Variants in PCDH15 observed in about 807,000 individuals in gnomAD.
The protein encoded by PCDH15 is protocadherin related 15, also known as protocadherin-15.
PCDH15 carries 129 observed loss-of-function variants against 178.5 expected under a neutral mutation model. The observed-to-expected ratio is 0.72, with a 90% CI of 0.63 to 0.84. PCDH15 has a LOEUF of 0.84. Among genes scored for constraint, PCDH15 ranks in the 40% least tolerant of loss-of-function variants. The pLI is 0.00. For missense variants in PCDH15, 2,230 were observed against 2,099.9 expected (o/e 1.06, Z -1.21); for synonymous variants, 800 against 732.0 (o/e 1.09, Z -1.50).
chr10:54,167,395 G>C (rs994016641), intron 13 of PCDH15, among the ~76,000 whole-genome samples: 1 of 152,006 alleles, frequency 6.6e-6, no homozygotes, highest in African/African-American at 2.4e-5. Context: ...TTCTGGGAGA[G>C]ACAAAGGAGA....
At chr10:55,068,127 T>C (rs905047179) in intron 2 of PCDH15, among the ~76,000 whole-genome samples, 1 of 152,096 alleles carries the variant, frequency 6.6e-6, no homozygotes, top group Non-Finnish European at 1.5e-5. Context: ...TTGCCTGTAC[T>C]TTTGAGGTCT....
intron 2 of PCDH15, among the ~76,000 whole-genome samples, chr10:55,326,918 A>C (rs1020332508): frequency 9.9e-5 from 15 of 152,146 alleles, no homozygotes; most frequent in African/African-American, 3.6e-4. Context: ...ATGATGCTGG[A>C]ATGGTTACCA....
At chr10:53,932,601 G>A (rs958355405) in intron 25 of PCDH15, among the ~76,000 whole-genome samples, 4 of 152,184 alleles carry the variant, frequency 2.6e-5, no homozygotes, top group African/African-American at 9.7e-5. Flanking sequence ...TACTGTTGAA[G>A]TGAATTCAAG....
intron 2 of PCDH15, among the ~76,000 whole-genome samples, chr10:55,604,656 A>C (rs796374162): frequency 6.1e-3 from 734 of 120,992 alleles, no homozygotes; most frequent in South Asian, 0.012. Context: ...CTGGGTACAT[A>C]ACGAAATGAA....
chr10:54,556,389 T>G (rs1487042049), intron 2 of PCDH15, among the ~76,000 whole-genome samples: 2 of 152,190 alleles, frequency 1.3e-5, no homozygotes. Context: ...ATAATTCTAC[T>G]CTTATCCAAC....
chr10:53,945,881 A>C (rs988777115), intron 23 of PCDH15, among the ~76,000 whole-genome samples: 61 of 120,630 alleles, frequency 5.1e-4, no homozygotes, highest in African/African-American at 1.0e-3. Context: ...ATATATATAT[A>C]TCACATTTTC....
At chr10:53,974,327 C>G (rs955703496) in intron 21 of PCDH15, among the ~76,000 whole-genome samples, 3 of 152,070 alleles carry the variant, frequency 2.0e-5, no homozygotes, top group South Asian at 2.1e-4. Context: ...AAATTAAACA[C>G]AATTTAAAAC....
At chr10:54,870,950 A>G (rs1954028764) in intron 3 of PCDH15, among the ~76,000 whole-genome samples, 1 of 152,150 alleles carries the variant, frequency 6.6e-6, no homozygotes, top group Admixed American at 6.5e-5. Context: ...TATAATTTTG[A>G]AAATAAGCCC....
At chr10:55,241,499 A>G (rs1010419058) in intron 1 of PCDH15, among the ~76,000 whole-genome samples, 4 of 152,102 alleles carry the variant, frequency 2.6e-5, no homozygotes, top group African/African-American at 9.7e-5. Context: ...AGCTCACTGC[A>G]GCCTCAACCT....
intron 8 of PCDH15, among the ~76,000 whole-genome samples, chr10:54,248,302 G>C (rs7896210): frequency 6.6e-6 from 1 of 151,744 alleles, no homozygotes; most frequent in Non-Finnish European, 1.5e-5. Context: ...TTTAAAAATC[G>C]TACTTAAAAA....
chr10:55,456,827 GGTTCTGTGAACACTT>G (rs1839564493), intron 2 of PCDH15, among the ~76,000 whole-genome samples: 2 of 151,982 alleles, frequency 1.3e-5, no homozygotes, highest in Non-Finnish European at 2.9e-5. Flanking sequence ...TGTTGAGTCT[GGTTCTGTGAACACTT>G]CATCTTGTGA....
chr10:54,687,666 T>A (rs1339077958), intron 1 of PCDH15, among the ~76,000 whole-genome samples: 1 of 152,126 alleles, frequency 6.6e-6, no homozygotes, highest in Non-Finnish European at 1.5e-5. Context: ...ATCAAGTTGA[T>A]GTAGCTAGAA....
At chr10:54,513,499 A>G (rs777655435) in intron 3 of PCDH15, among the ~76,000 whole-genome samples, 13 of 152,098 alleles carry the variant, frequency 8.5e-5, no homozygotes, top group Admixed American at 7.2e-4. Flanking sequence ...GAATATTGTT[A>G]TATTATTTTC....
intron 2 of PCDH15, among the ~76,000 whole-genome samples, chr10:55,146,269 T>G (rs1366479635): frequency 2.0e-5 from 3 of 151,988 alleles, no homozygotes; most frequent in Non-Finnish European, 2.9e-5. Flanking sequence ...AAGAGGTCCC[T>G]GTGAAAACTA....
upstream of PCDH15, among the ~76,000 whole-genome samples, chr10:54,804,951 A>G (rs1952756203): frequency 2.1e-5 from 3 of 139,928 alleles, no homozygotes; most frequent in Admixed American, 1.4e-4. Context: ...ATATATATAC[A>G]GAGTTTGCTA....
chr10:55,560,832 TAA>T (rs1400401533), intron 2 of PCDH15, among the ~76,000 whole-genome samples: 2 of 151,704 alleles, frequency 1.3e-5, no homozygotes, highest in Non-Finnish European at 1.5e-5. Context: ...TATTAATAGA[TAA>T]AGACTAACAT....
rs2076366790 is a variant in PCDH15, at chr10:53,822,622, G to C, written c.4368-2392C>G. 3 of 1,614,038 alleles carry C rather than the reference G, an allele frequency of 1.9e-6. No homozygotes were observed. The highest frequency in any genetic ancestry group is 2.2e-5 in the South Asian group (2 of 91,086). ...GAATGTAAAACACAAGGCCTTGAAG[G>C]AGAAAGTTCCAAGGAACACTCAGCA... is the stretch of plus-strand genomic sequence containing the variant. On this transcript the variant is annotated intron_variant, in intron 32 of 37. Transcript: ENST00000644397.
chr10:55,269,699 A>G (rs112714613), intron 1 of PCDH15, among the ~76,000 whole-genome samples: 21 of 152,314 alleles, frequency 1.4e-4, no homozygotes, highest in African/African-American at 4.8e-4. Context: ...TACAATGGCC[A>G]TACTGTCCAA....
Position 54,307,028 on chromosome 10 carries a change from A to ATATGTGTGTG in PCDH15, c.876+10242_876+10243insCACACACATA, listed in dbSNP as rs1367457752. Among the ~76,000 whole-genome samples, 190 of 30,724 alleles carry ATATGTGTGTG rather than the reference A, an allele frequency of 6.2e-3. 23 individuals carry two copies. Among genetic ancestry groups the ATATGTGTGTG allele is most frequent in the Non-Finnish European group, 9.3e-3 (150 of 16,162 alleles). The allele number at this position is 30,724 out of a possible 152,430, so 20.2% of individuals were successfully genotyped here. ...TATATATATATACATATATATATAT[A>ATATGTGTGTG]TGTGTGTGTGTGTATATATATATAT... On this transcript the variant is annotated intron_variant, in intron 8 of 37. Transcript: ENST00000644397.
Sources: allele counts gnomAD v4.1 joint callset (sites outside exome capture counted in the v4.1 genomes callset), GRCh38; gene constraint gnomAD v4.1.1; transcripts MANE v1.5; gene names NCBI Gene and HGNC (gene_info 2026-07-23, HGNC 2026-07-21).